The following ZEB2 variants were observed in gnomAD, a reference collection of about 807,000 sequenced individuals.
ZEB2 encodes zinc finger E-box-binding homeobox 2.
In ZEB2, 6 loss-of-function variants were observed where a neutral mutation model predicts 99.9. The ratio of observed to expected loss-of-function variants is 0.06; its 90% CI spans 0.03 to 0.12. ZEB2 has a LOEUF of 0.12. ZEB2 is among the 10% of genes least tolerant of loss of function. ZEB2 has a pLI of 1.00. For synonymous variants in ZEB2, 517 were observed against 542.5 expected (o/e 0.95, Z 0.65); for missense variants, 969 against 1,502.8 (o/e 0.64, Z 5.87).
At chr2:144,467,783 C>A (rs1263585949) in intron 2 of ZEB2, among the ~76,000 whole-genome samples, 1 of 152,162 alleles carries the variant, frequency 6.6e-6, no homozygotes, top group Non-Finnish European at 1.5e-5. Flanking sequence ...TTTGGTTGTG[C>A]TAATTGGGCA....
intron 2 of ZEB2, among the ~76,000 whole-genome samples, chr2:144,471,376 C>T (rs1704352865): frequency 6.6e-6 from 1 of 152,152 alleles, no homozygotes; most frequent in Non-Finnish European, 1.5e-5. Context: ...GGCCCTCAAT[C>T]ACAAACCTCC....
chr2:144,514,665 T>C (rs557163704), intron 2 of ZEB2, among the ~76,000 whole-genome samples: 2 of 152,308 alleles, frequency 1.3e-5, no homozygotes, highest in South Asian at 2.1e-4. Flanking sequence ...AACCAGAACA[T>C]TGCTCGGTCA....
intron 2 of ZEB2, among the ~76,000 whole-genome samples, chr2:144,489,051 C>T (rs969125480): frequency 9.2e-5 from 14 of 152,182 alleles, no homozygotes; most frequent in African/African-American, 2.9e-4. Context: ...AAGATGAAAT[C>T]TACTCTATTA....
intron 2 of ZEB2, among the ~76,000 whole-genome samples, chr2:144,441,201 G>GAGAGAGAGAGAGAGAGAT (rs1553965038): frequency 6.6e-6 from 1 of 151,390 alleles, no homozygotes; most frequent in African/African-American, 2.4e-5. Flanking sequence ...GAGAGAGAGA[G>GAGAGAGAGAGAGAGAGAT]AGAGAGAACC....
chr2:144,519,810 C>T lies in ZEB2; in HGVS notation c.-70+129G>A, dbSNP rs1455502628. 1.9e-5 allele frequency: 7 copies of T among 360,610 alleles called. No individual in the cohort carries two copies. In the Admixed American group the frequency reaches 2.6e-4, roughly 14 times the overall value. The allele number at this position is 360,610 out of a possible 1,614,324, so 22.3% of individuals were successfully genotyped here. Reference sequence around the variant, plus strand: ...GAGCTAAACCCACCTGAAATTCCTACCCACGGACACCCCTTCTCACTTCAG... The same window carrying T: ...GAGCTAAACCCACCTGAAATTCCTATCCACGGACACCCCTTCTCACTTCAG... On this transcript the variant is annotated intron_variant, in intron 1 of 9. Coordinates refer to ENST00000627532, the MANE Select transcript of ZEB2 (RefSeq NM_014795.4).
rs1553969568 is a variant in ZEB2, at chr2:144,498,072, T to TTA, written c.73+19204_73+19205dup. ...ATATATTATATAATATATATTAATA[T>TTA]TATATATTATATAATATATATTAAT... On this transcript the variant is annotated intron_variant, in intron 2 of 9. Transcript: ENST00000627532. Among the ~76,000 whole-genome samples, 73 of 31,696 alleles carry TTA rather than the reference T, an allele frequency of 2.3e-3. 7 individuals are homozygous for TTA. Among genetic ancestry groups the TTA allele is most frequent in the Non-Finnish European group, 3.2e-3 (44 of 13,676 alleles). The allele number at this position is 31,696 out of a possible 152,430, so 20.8% of individuals were successfully genotyped here. A position where few individuals can be genotyped will look rare whatever the true frequency, so the allele number is the denominator to read the frequency against.
intron 2 of ZEB2, among the ~76,000 whole-genome samples, chr2:144,448,427 C>T (rs974167298): frequency 1.3e-5 from 2 of 152,162 alleles, no homozygotes; most frequent in African/African-American, 2.4e-5. Context: ...TGAAAGTTCA[C>T]GCAGCTAAGT....
At chr2:144,430,339 G>A (rs896294948) in intron 2 of ZEB2, among the ~76,000 whole-genome samples, 2 of 151,840 alleles carry the variant, frequency 1.3e-5, no homozygotes, top group African/African-American at 2.4e-5. Flanking sequence ...ATGTACTTTC[G>A]ATACTCCACA....
chr2:144,396,266 T>G, intron 9 of ZEB2, 146 bp downstream of exon 9: 1 of 1,055,148 alleles, frequency 9.5e-7, no homozygotes, highest in Non-Finnish European at 1.5e-6. Flanking sequence ...AAAAAAGTCC[T>G]ACTGAGCTCG....
intron 2 of ZEB2, among the ~76,000 whole-genome samples, chr2:144,473,296 G>A (rs1358944985): frequency 6.6e-6 from 1 of 152,170 alleles, no homozygotes; most frequent in Non-Finnish European, 1.5e-5. Context: ...GGAAAACTAG[G>A]CAGATAGGGA....
At position 144,385,826 on chromosome 2, in the gene ZEB2, C is replaced by T. The variant is rs1007860680; in HGVS notation, c.*3625G>A. Reference sequence around the variant, plus strand: ...CATTATTAGAAAGATAAAAAATGACCTTTTTAAAAGTTATCTGATTGTGAA... The same window carrying T: ...CATTATTAGAAAGATAAAAAATGACTTTTTTAAAAGTTATCTGATTGTGAA... On this transcript the variant is annotated 3_prime_UTR_variant, in exon 10 of 10. Transcript: ENST00000627532. The T allele has an allele frequency of 1.3e-5, 2 of 152,028 alleles. No individual in the cohort carries two copies. Among genetic ancestry groups the T allele is most frequent in the East Asian group, 1.9e-4 (1 of 5,196 alleles). The allele number at this position is 152,028 out of a possible 1,614,324, so 9.4% of individuals were successfully genotyped here.
intron 2 of ZEB2, chr2:144,516,633 C>G (rs1340413153): frequency 6.6e-6 from 1 of 151,548 alleles, no homozygotes; most frequent in Non-Finnish European, 1.5e-5. Flanking sequence ...GAGGAGTCAT[C>G]CGTCCCCGAG....
intron 2 of ZEB2, chr2:144,496,772 A>G (rs1704766241): frequency 6.6e-6 from 1 of 152,226 alleles, no homozygotes; most frequent in Non-Finnish European, 1.5e-5. Context: ...TGACATAGGC[A>G]AAATTCTTAG....
chr2:144,502,875 G>A (rs1042976968), intron 2 of ZEB2, among the ~76,000 whole-genome samples: 1 of 151,440 alleles, frequency 6.6e-6, no homozygotes. Flanking sequence ...TCTCTCAGTG[G>A]TGATGTGCCT....
chr2:144,396,564 T>C lies in ZEB2; in HGVS notation c.2915A>G (p.Tyr972Cys), dbSNP rs747714488. 1 of 1,613,980 alleles carries C rather than the reference T, an allele frequency of 6.2e-7. No individual in the cohort carries two copies. The highest frequency in any genetic ancestry group is 8.5e-7 in the Non-Finnish European group (1 of 1,179,984). ...QGELLDGAQD[Y>C]MSGLDDMTDS... ...TGTCATATCATCTAGGCCTGACATG[T>C]AGTCTTGTGCTCCATCAAGCAATTC... The change falls in exon 9 of 10, where the codon TAC becomes TGC. Residue 972 changes from tyrosine to cysteine, a missense_variant. Transcript: ENST00000627532.
chr2:144,441,209 A>AGAGAT (rs1553965039), intron 2 of ZEB2, among the ~76,000 whole-genome samples: 1 of 24,274 alleles, frequency 4.1e-5, no homozygotes, highest in Non-Finnish European at 1.1e-4. Flanking sequence ...GAGAGAGAGA[A>AGAGAT]CCTCATGCCT....
intron 2 of ZEB2, among the ~76,000 whole-genome samples, chr2:144,431,833 G>T (rs752367812): frequency 2.1e-5 from 3 of 146,124 alleles, no homozygotes; most frequent in African/African-American, 2.5e-5. Flanking sequence ...CTGGGGGTAG[G>T]GGGGAGTGGG....
At chr2:144,498,780 T>G (rs1242382446) in intron 2 of ZEB2, among the ~76,000 whole-genome samples, 1 of 152,110 alleles carries the variant, frequency 6.6e-6, no homozygotes, top group Non-Finnish European at 1.5e-5. Flanking sequence ...GGCCCGAAAC[T>G]AGGCCTGAAA....
chr2:144,514,917 C>T (rs532781864), intron 2 of ZEB2, among the ~76,000 whole-genome samples: 1 of 152,330 alleles, frequency 6.6e-6, no homozygotes, highest in South Asian at 2.1e-4. Flanking sequence ...CTTGCAGTGT[C>T]CATGACTGCG....
Sources: gnomAD v4.1 joint callset for allele counts (sites outside exome capture counted in the v4.1 genomes callset) on GRCh38, gnomAD v4.1.1 for gene constraint, MANE v1.5 for transcripts, NCBI Gene and HGNC (gene_info 2026-07-23, HGNC 2026-07-21) for gene names.